The following ST6GAL1 variants were observed in gnomAD, a reference collection of about 807,000 sequenced individuals.
The protein encoded by ST6GAL1 is ST6 beta-galactoside alpha-2,6-sialyltransferase 1.
Under a neutral mutation model 38.0 loss-of-function variants are expected in ST6GAL1, and 20 were observed. The observed-to-expected ratio is 0.53, with a 90% CI of 0.37 to 0.77. ST6GAL1 has a LOEUF of 0.77. ST6GAL1 is among the 30% of genes least tolerant of loss of function. ST6GAL1 has a pLI of 0.00. For missense variants in ST6GAL1, 432 were observed against 496.4 expected, an observed-to-expected ratio of 0.87 and a Z score of 1.23; for synonymous variants, 196 against 188.2, an observed-to-expected ratio of 1.04 and a Z score of -0.34.
At chr3:186,958,940 G>A (rs536431510) in intron 1 of ST6GAL1, among the ~76,000 whole-genome samples, 269 of 132,048 alleles carry the variant, frequency 2.0e-3, no homozygotes, top group African/African-American at 7.3e-3. Flanking sequence ...GTGACAGAGC[G>A]AGACTCCATC....
chr3:186,993,074 G>A (rs2108546898), intron 2 of ST6GAL1, among the ~76,000 whole-genome samples: 1 of 152,232 alleles, frequency 6.6e-6, no homozygotes, highest in Non-Finnish European at 1.5e-5. Context: ...CCTGGCCATA[G>A]CTGTGGGCTG....
rs962691607 is a variant in ST6GAL1 at position 187,025,023 on chromosome 3, G to C, written c.-182-13719G>C. 5.7e-4 allele frequency among the ~76,000 whole-genome samples: 84 copies of C among 147,342 alleles called. 1 individual carries two copies. The highest frequency in any genetic ancestry group is 2.0e-3 in the African/African-American group (77 of 39,486). The stretch of plus-strand genomic sequence containing the variant: ...TGTGTGTGTGTGTGTGTGTGTGTCT[G>C]TGTGTGTGTGTCTCACAGTGTAGAG... On this transcript the variant is annotated intron_variant, in intron 2 of 7. Coordinates refer to ENST00000169298, the MANE Select transcript of ST6GAL1 (RefSeq NM_173216.2).
chr3:187,072,753 G>T, intron 5 of ST6GAL1, 96 bp from the exon 6 acceptor site: 1 of 1,051,010 alleles, frequency 9.5e-7, no homozygotes, highest in Non-Finnish European at 1.5e-6. Context: ...GGGCTCTGGG[G>T]CCTCAGGCTG....
intron 3 of ST6GAL1, among the ~76,000 whole-genome samples, chr3:187,041,164 ACT>A (rs1718113128): frequency 6.6e-6 from 1 of 152,016 alleles, no homozygotes; most frequent in Admixed American, 6.6e-5. Context: ...CCCTCCCAAC[ACT>A]CTGCAAATCA....
intron 2 of ST6GAL1, among the ~76,000 whole-genome samples, chr3:186,991,927 G>A (rs926968530): frequency 5.3e-5 from 8 of 152,162 alleles, no homozygotes; most frequent in Admixed American, 6.5e-5. Flanking sequence ...TAACCTGCCC[G>A]TCATCTCTGG....
intron 2 of ST6GAL1, among the ~76,000 whole-genome samples, chr3:187,030,197 G>A (rs1389282934): frequency 2.0e-5 from 3 of 152,128 alleles, no homozygotes; most frequent in Non-Finnish European, 4.4e-5. Flanking sequence ...ATTTTGGGTG[G>A]GGGAGAAGAT....
intron 5 of ST6GAL1, among the ~76,000 whole-genome samples, chr3:187,056,095 TA>T (rs1261546471): frequency 9.9e-5 from 15 of 152,210 alleles, no homozygotes; most frequent in Non-Finnish European, 1.9e-4. Context: ...TTTGTTGGTT[TA>T]AAGTCTGTTT....
intron 5 of ST6GAL1, among the ~76,000 whole-genome samples, chr3:187,071,749 GTGTCGCCTTTTTT>G (rs1719383578): frequency 7.5e-6 from 1 of 133,856 alleles, no homozygotes; most frequent in Non-Finnish European, 1.5e-5. Flanking sequence ...GACACAGGCT[GTGTCGCCTTTTTT>G]TGAGACTCCG....
At chr3:186,953,800 A>C (rs1178093105) in intron 1 of ST6GAL1, among the ~76,000 whole-genome samples, 1 of 147,346 alleles carries the variant, frequency 6.8e-6, no homozygotes, top group Non-Finnish European at 1.5e-5. Context: ...AGAAACTGAG[A>C]CACAGAGAGG....
At chr3:187,059,276 C>T (rs1456915605) in intron 5 of ST6GAL1, among the ~76,000 whole-genome samples, 2 of 152,126 alleles carry the variant, frequency 1.3e-5, no homozygotes, top group Admixed American at 6.5e-5. Flanking sequence ...GGCCTTGCCC[C>T]GTAGAGAGAG....
chr3:187,019,975 G>T (rs1371553898), intron 2 of ST6GAL1, among the ~76,000 whole-genome samples: 1 of 152,218 alleles, frequency 6.6e-6, no homozygotes, highest in Non-Finnish European at 1.5e-5. Context: ...AGGGACATAG[G>T]ATGAAGAGCA....
intron 1 of ST6GAL1, among the ~76,000 whole-genome samples, chr3:186,943,213 T>C (rs1714239310): frequency 6.6e-6 from 1 of 152,170 alleles, no homozygotes; most frequent in Non-Finnish European, 1.5e-5. Context: ...TAGAAAGTAG[T>C]AGCTGTTAGC....
At chr3:187,018,888 C>T (rs941347761) in intron 2 of ST6GAL1, among the ~76,000 whole-genome samples, 1 of 152,176 alleles carries the variant, frequency 6.6e-6, no homozygotes, top group Non-Finnish European at 1.5e-5. Flanking sequence ...TGTCCAGGGC[C>T]TCCAGAGATC....
chr3:187,028,565 T>G (rs1579336568), intron 2 of ST6GAL1, among the ~76,000 whole-genome samples: 1 of 152,232 alleles, frequency 6.6e-6, no homozygotes, highest in African/African-American at 2.4e-5. Flanking sequence ...GGACTTTTTC[T>G]TTATATAACC....
chr3:187,029,755 T>C (rs1221868895), intron 2 of ST6GAL1, among the ~76,000 whole-genome samples: 1 of 152,228 alleles, frequency 6.6e-6, no homozygotes, highest in Non-Finnish European at 1.5e-5. Context: ...TTAACCAGGA[T>C]TGAGTTTTAG....
At chr3:186,992,176 T>C (rs750491959) in intron 2 of ST6GAL1, among the ~76,000 whole-genome samples, 1 of 152,200 alleles carries the variant, frequency 6.6e-6, no homozygotes, top group African/African-American at 2.4e-5. Context: ...AATCCCCATA[T>C]GTCAAGGGAG....
In ST6GAL1 at chr3:186,971,824, T is replaced by C. The variant is rs184361532; in HGVS notation, c.-183+7898T>C. Among the ~76,000 whole-genome samples, 7 of 152,358 alleles carry C rather than the reference T, an allele frequency of 4.6e-5. No homozygotes were observed. The East Asian group carries it at 1.3e-3, about 29-fold the overall frequency. On this transcript the variant is annotated intron_variant, in intron 2 of 7. Coordinates refer to ENST00000169298, the MANE Select transcript of ST6GAL1 (RefSeq NM_173216.2). ...CCAGCGTGCCAACATCTCTACTTACTGGCAGCCTAGTTGAAGAAACCTCTA... is the reference window on the plus strand; with the variant it reads ...CCAGCGTGCCAACATCTCTACTTACCGGCAGCCTAGTTGAAGAAACCTCTA...
chr3:186,984,742 C>A (rs552752001), intron 2 of ST6GAL1, among the ~76,000 whole-genome samples: 232 of 22,596 alleles, frequency 0.01, 2 homozygotes, highest in African/African-American at 0.029. Context: ...TTCCTTCCTT[C>A]CCTCCCTCCC....
At chr3:186,951,052 G>GT (rs879477422) in intron 1 of ST6GAL1, among the ~76,000 whole-genome samples, 5,549 of 152,190 alleles carry the variant, frequency 0.036, 145 homozygotes, top group East Asian at 0.068. Flanking sequence ...CATCCTGAAT[G>GT]GTCCCACTCT....
Sources: allele counts gnomAD v4.1 joint callset (sites outside exome capture counted in the v4.1 genomes callset), GRCh38; gene constraint gnomAD v4.1.1; transcripts MANE v1.5; gene names NCBI Gene and HGNC (gene_info 2026-07-23, HGNC 2026-07-21).